COL4A4: variants seen among roughly 807,000 people sequenced by gnomAD.
COL4A4 encodes the protein collagen alpha-4(IV) chain.
Under a neutral mutation model 192.9 loss-of-function variants are expected in COL4A4, and 105 were observed. The ratio of observed to expected loss-of-function variants is 0.54; its 90% confidence interval spans 0.46 to 0.64. The LOEUF is 0.64. Ranked by LOEUF, COL4A4 falls within the 30% of genes least tolerant of loss-of-function variation. The pLI is 0.00. For missense variants in COL4A4, 1,967 were observed against 2,169.3 expected, an observed-to-expected ratio of 0.91 and a Z score of 1.85; for synonymous variants, 762 against 769.9, an observed-to-expected ratio of 0.99 and a Z score of 0.17.
Position 227,118,644 on chromosome 2 carries a change from C to CT in COL4A4, c.489dup (p.Gly164ArgfsTer20), listed in dbSNP as rs2124998835. 1.2e-6 allele frequency: 2 copies of CT among 1,609,070 alleles called. No homozygotes were observed. Among genetic ancestry groups the CT allele is most frequent in the Admixed American group, 3.3e-5 (2 of 60,006 alleles). On this transcript the variant is annotated frameshift_variant and splice_region_variant. Transcript: ENST00000396625. LOFTEE classifies it high-confidence loss of function. ...GTTAAGATGAACTGTGGGTATCTTA[C>CT]TAGGGGGCCTCCTGGGCCAAGAGCT...
intron 22 of COL4A4, among the ~76,000 whole-genome samples, chr2:227,085,149 AAAC>A (rs1465436086): frequency 3.6e-5 from 4 of 111,912 alleles, no homozygotes; most frequent in Non-Finnish European, 7.8e-5. Flanking sequence ...AACAAAAGCA[AAAC>A]GAAACAAAAA....
intron 12 of COL4A4, among the ~76,000 whole-genome samples, chr2:227,107,751 CTTTTCTT>C (rs1264352017): frequency 3.8e-5 from 5 of 131,412 alleles, no homozygotes; most frequent in Admixed American, 2.5e-4. Flanking sequence ...TCTTAAATCA[CTTTTCTT>C]TTTTTTTTTT....
At chr2:227,157,165 A>G (rs563212305) in intron 1 of COL4A4, among the ~76,000 whole-genome samples, 46 of 152,318 alleles carry the variant, frequency 3.0e-4, no homozygotes, top group African/African-American at 1.1e-3. Flanking sequence ...GCCATCTAGG[A>G]AAGTCCCAAA....
chr2:227,123,886 G>A lies in COL4A4; in HGVS notation c.193-2738C>T, dbSNP rs1198187042. The stretch of plus-strand genomic sequence containing the variant: ...CACCCAGGCTATGCGTCAGCCTCCT[G>A]GGTTTGAAGCCCAGGACCACACTGA... On this transcript the variant is annotated intron_variant, in intron 4 of 47. Transcript: ENST00000396625. This position sits in a 1 kb window ranked among gnomAD's most constrained non-coding sequence, Gnocchi z 4.6. Among the ~76,000 whole-genome samples the A allele has an allele frequency of 2.0e-5, 3 of 152,180 alleles. No individual in the cohort carries two copies. The highest frequency in any genetic ancestry group is 4.4e-5 in the Non-Finnish European group (3 of 68,036).
intron 37 of COL4A4, among the ~76,000 whole-genome samples, chr2:227,041,857 AGAAAGAAAGAAAG>A (rs1971368622): frequency 3.7e-5 from 4 of 106,768 alleles, no homozygotes; most frequent in African/African-American, 1.6e-4. Flanking sequence ...AGAGAAAGAA[AGAAAGAAAGAAAG>A]AAAGAAAGAA....
At chr2:227,074,967 A>G (rs2058940160) in intron 25 of COL4A4, among the ~76,000 whole-genome samples, 1 of 152,144 alleles carries the variant, frequency 6.6e-6, no homozygotes, top group Admixed American at 6.6e-5. Context: ...ATTCAAATAG[A>G]CCAATAACAA....
intron 28 of COL4A4, among the ~76,000 whole-genome samples, chr2:227,059,067 A>G (rs1976216656): frequency 6.6e-6 from 1 of 152,046 alleles, no homozygotes; most frequent in Admixed American, 6.6e-5. Context: ...TCCTCTCACA[A>G]TCAGGCCTGC....
At chr2:227,091,922 GAAAGA>G (rs1553674153) in intron 20 of COL4A4, among the ~76,000 whole-genome samples, 1,240 of 60,320 alleles carry the variant, frequency 0.021, 16 homozygotes, top group African/African-American at 0.044. Context: ...AAGAAAGAAA[GAAAGA>G]AAAGAAAAGA....
intron 1 of COL4A4, among the ~76,000 whole-genome samples, chr2:227,149,154 C>A (rs1257171118): frequency 6.6e-6 from 1 of 152,010 alleles, no homozygotes; most frequent in Non-Finnish European, 1.5e-5. Context: ...TGGCCATTAC[C>A]TATTTTTAAA....
At chr2:227,109,040 G>C in intron 10 of COL4A4, 172 bp from the exon 11 acceptor site, 1 of 881,632 alleles carries the variant, frequency 1.1e-6, no homozygotes, top group Admixed American at 1.7e-5. Context: ...GATGTCAGTG[G>C]CTCATCCGCA....
chr2:227,120,072 T>A, intron 5 of COL4A4, 133 bp from the exon 6 acceptor site: 1 of 624,894 alleles, frequency 1.6e-6, no homozygotes, highest in East Asian at 3.4e-5. Context: ...TTTTACATGA[T>A]GAGTCTAAAA....
rs114971505 is a variant in COL4A4 at position 227,088,869 on chromosome 2, A to G, written c.1460-53T>C. ...TCATATTTCCTGAATAAAATCCCCA[A>G]TAAGGGCTTTACTGTACAAAACCAA... On this transcript the variant is annotated intron_variant, in intron 21 of 47. Coordinates refer to ENST00000396625, the MANE Select transcript of COL4A4 (RefSeq NM_000092.5). 1,883 of 1,595,090 alleles carry G rather than the reference A, an allele frequency of 1.2e-3. 20 individuals are homozygous for G. The African/African-American group carries it at 0.023, about 20-fold the overall frequency.
At chr2:226,996,982 T>C in the COL4A4 span, 7 of 152,296 alleles carry the variant, frequency 4.6e-5, no homozygotes, top group Admixed American at 3.9e-4. Flanking sequence ...TTGGTGGTAT[T>C]GTCTTATCAA....
chr2:227,115,808 T>C (rs2061462798), intron 7 of COL4A4, among the ~76,000 whole-genome samples: 1 of 152,216 alleles, frequency 6.6e-6, no homozygotes, highest in African/African-American at 2.4e-5. Context: ...AGTTCCAGTC[T>C]GAATGAATTT....
At chr2:227,153,647 A>G (rs1254271520) in intron 1 of COL4A4, among the ~76,000 whole-genome samples, 1 of 152,206 alleles carries the variant, frequency 6.6e-6, no homozygotes, top group Non-Finnish European at 1.5e-5. Context: ...TAGGAAACCG[A>G]GACAGGAGAG....
intron 5 of COL4A4, 160 bp downstream of exon 5, chr2:227,120,854 G>T: frequency 2.4e-6 from 2 of 831,296 alleles, no homozygotes; most frequent in South Asian, 1.7e-5. Context: ...TGGGAGGCTC[G>T]CTTGAACCTG....
intron 34 of COL4A4, among the ~76,000 whole-genome samples, chr2:227,048,100 C>T (rs1973284788): frequency 6.6e-6 from 1 of 152,176 alleles, no homozygotes; most frequent in Non-Finnish European, 1.5e-5. Flanking sequence ...CTCCATAATG[C>T]TTCCAGACAC....
In COL4A4 at chr2:227,069,583, G is replaced by C. The variant is rs1017582618; in HGVS notation, c.1988-6985C>G. Among the ~76,000 whole-genome samples, 921 of 152,022 alleles carry C rather than the reference G, an allele frequency of 6.1e-3. 6 individuals carry two copies. Among genetic ancestry groups the C allele is most frequent in the African/African-American group, 0.021 (863 of 41,440 alleles). ...AACGCCGCATATCTACAACTATCTG[G>C]TCTTTGACAAACCTGAGAAAAACAA... On this transcript the variant is annotated intron_variant, in intron 25 of 47. Coordinates refer to ENST00000396625, the MANE Select transcript of COL4A4 (RefSeq NM_000092.5).
intron 13 of COL4A4, 54 bp downstream of exon 13, chr2:227,103,918 A>T (rs1193730167): frequency 7.0e-7 from 1 of 1,419,928 alleles, no homozygotes; most frequent in Admixed American, 1.7e-5. Flanking sequence ...GATCCATGTC[A>T]AAAAATATTT....
Sources: gnomAD v4.1 joint callset for allele counts (sites outside exome capture counted in the v4.1 genomes callset) on GRCh38, gnomAD v4.1.1 for gene constraint, Gnocchi (gnomAD v3.1) non-coding constraint, MANE v1.5 for transcripts, NCBI Gene and HGNC (gene_info 2026-07-23, HGNC 2026-07-21) for gene names.